Variants in U2SURP observed in about 807,000 individuals in gnomAD.
The protein encoded by U2SURP is U2 snRNP-associated SURP motif-containing protein.
U2SURP carries 9 observed loss-of-function variants against 144.9 expected under a neutral mutation model. The ratio of observed to expected loss-of-function variants is 0.06; its 90% CI spans 0.04 to 0.11. U2SURP has a LOEUF of 0.11. U2SURP is among the 10% of genes least tolerant of loss of function. The probability of loss-of-function intolerance (pLI) is 1.00; values close to 1 mark genes in which losing one functional copy is unlikely to be tolerated. For synonymous variants in U2SURP, 408 were observed against 396.8 expected, an observed-to-expected ratio of 1.03 and a Z score of -0.33; for missense variants, 724 against 1,226.7, an observed-to-expected ratio of 0.59 and a Z score of 6.12.
chr3:143,028,684 G>C (rs779624889), intron 16 of U2SURP, 38 bp downstream of exon 16: 1 of 1,534,728 alleles, frequency 6.5e-7, no homozygotes, highest in Admixed American at 2.2e-5. Context: ...ATTCAGAAAA[G>C]TAACTGTAAT....
intron 26 of U2SURP, among the ~76,000 whole-genome samples, chr3:143,054,457 T>C (rs1935046362): frequency 6.6e-6 from 1 of 152,260 alleles, no homozygotes; most frequent in Non-Finnish European, 1.5e-5. Context: ...CTTTTATTAC[T>C]ATTTTGACAT....
chr3:143,034,009 A>G (rs1334229928), intron 18 of U2SURP, among the ~76,000 whole-genome samples: 1 of 152,180 alleles, frequency 6.6e-6, no homozygotes. Flanking sequence ...CATACTATTA[A>G]CTATAGAATC....
chr3:143,012,527 A>G (rs1936172344), intron 3 of U2SURP, among the ~76,000 whole-genome samples, 174 bp downstream of exon 3: 1 of 152,176 alleles, frequency 6.6e-6, no homozygotes, highest in Admixed American at 6.5e-5. Context: ...ATGTAGGGAC[A>G]TCTTTTTAGC....
At chr3:143,020,733 T>A in intron 8 of U2SURP, 40 bp downstream of exon 8, 1 of 1,470,592 alleles carries the variant, frequency 6.8e-7, no homozygotes, top group Non-Finnish European at 9.5e-7. Flanking sequence ...TTGTGATTAA[T>A]TACAGTAGTT....
intron 24 of U2SURP, among the ~76,000 whole-genome samples, chr3:143,046,767 C>T (rs1427024428): frequency 7.8e-6 from 1 of 127,416 alleles, no homozygotes; most frequent in Non-Finnish European, 1.6e-5. Flanking sequence ...TTTTCCCCAC[C>T]TTTCCCCCCC....
At position 143,020,677 on chromosome 3, in the gene U2SURP, T is replaced by C. The variant is rs1936585059; in HGVS notation, c.717T>C (p.Asp239=). 1 of 1,612,822 alleles carries C rather than the reference T, an allele frequency of 6.2e-7. No homozygotes were observed. Among genetic ancestry groups the C allele is most frequent in the Non-Finnish European group, 8.5e-7 (1 of 1,179,388 alleles). The part of the protein sequence containing the change: ...SRFEPPQSDS[D]GQRRSMDAPS... ...TTGAACCTCCTCAGTCAGATTCTGATGGTCAGCGTCGTTCTAGTAAGTGGC... is the reference window on the plus strand; with the variant it reads ...TTGAACCTCCTCAGTCAGATTCTGACGGTCAGCGTCGTTCTAGTAAGTGGC... Residue 239 remains aspartate (D), a synonymous_variant, in exon 8 of 28, where the codon GAT becomes GAC. Coordinates refer to ENST00000473835, the MANE Select transcript of U2SURP (RefSeq NM_001080415.2).
In U2SURP at chr3:143,043,172, C is replaced by T; in HGVS notation, c.2440C>T (p.His814Tyr). The T allele has an allele frequency of 6.2e-7, 1 of 1,604,108 alleles. No homozygotes were observed. The change falls in exon 24 of 28, where the codon CAT (histidine) becomes TAT (tyrosine). Residue 814 changes from histidine to tyrosine, a missense_variant. By Grantham distance (83) the His-to-Tyr change is moderately conservative. Coordinates refer to ENST00000473835, the MANE Select transcript of U2SURP (RefSeq NM_001080415.2). ...TACTCAAAGTTCCAAATCTGAAGAA[C>T]ATCATTTGTACTCTAATCCAATCAA... is the stretch of plus-strand genomic sequence containing the variant. ...EDTQSSKSEE[H>Y]HLYSNPIKEE...
intron 13 of U2SURP, chr3:143,026,381 G>C (rs1302300215): frequency 1.6e-4 from 25 of 152,156 alleles, no homozygotes; most frequent in Admixed American, 1.6e-3. Flanking sequence ...TTTGGAAAGA[G>C]TAGTACTCCA....
chr3:143,030,832 G>A (rs1933439182), intron 16 of U2SURP, among the ~76,000 whole-genome samples: 1 of 152,004 alleles, frequency 6.6e-6, no homozygotes, highest in Non-Finnish European at 1.5e-5. Flanking sequence ...GATAGCATGA[G>A]GCCAAGAGTT....
chr3:143,035,019 G>T, intron 19 of U2SURP, 44 bp downstream of exon 19: 2 of 328,344 alleles, frequency 6.1e-6, no homozygotes, highest in Non-Finnish European at 6.0e-6. Flanking sequence ...GTTTTAAATG[G>T]GTGGGGGGAG....
At chr3:143,010,778 A>T (rs1411739279) in intron 1 of U2SURP, 37 bp from the exon 2 acceptor site, 1 of 1,547,366 alleles carries the variant, frequency 6.5e-7, no homozygotes. Flanking sequence ...AGTATAAGAC[A>T]TTTTAAATTA....
chr3:143,056,153 T>C (rs1935138431), intron 27 of U2SURP, among the ~76,000 whole-genome samples, 159 bp from the exon 28 acceptor site: 1 of 152,178 alleles, frequency 6.6e-6, no homozygotes, highest in Non-Finnish European at 1.5e-5. Flanking sequence ...AATCTGTGTG[T>C]GTGTGTGTAC....
intron 24 of U2SURP, among the ~76,000 whole-genome samples, chr3:143,050,305 T>A (rs1016252364): frequency 1.3e-5 from 2 of 152,220 alleles, no homozygotes; most frequent in Non-Finnish European, 2.9e-5. Context: ...ACTCCTGACC[T>A]CAGGTGATCC....
intron 4 of U2SURP, 104 bp from the exon 5 acceptor site, chr3:143,016,153 T>C: frequency 1.1e-6 from 1 of 900,502 alleles, no homozygotes; most frequent in African/African-American, 1.7e-5. Context: ...CTGCTTAACC[T>C]GGGAAGGGAG....
At chr3:143,051,360 A>G (rs972826051) in intron 25 of U2SURP, among the ~76,000 whole-genome samples, 2 of 152,316 alleles carry the variant, frequency 1.3e-5, no homozygotes, top group Middle Eastern at 3.4e-3. Context: ...GTGAGACGCC[A>G]ACAACCCTGA....
At chr3:143,048,611 A>G (rs953402283) in intron 24 of U2SURP, among the ~76,000 whole-genome samples, 1 of 152,174 alleles carries the variant, frequency 6.6e-6, no homozygotes, top group Non-Finnish European at 1.5e-5. Flanking sequence ...ATTATAAAAG[A>G]CCCTGATTAT....
chr3:143,039,914 A>G (rs915945790), intron 23 of U2SURP, among the ~76,000 whole-genome samples: 7 of 152,040 alleles, frequency 4.6e-5, no homozygotes, highest in African/African-American at 1.7e-4. Context: ...GATGATGACA[A>G]AATATTTACA....
intron 3 of U2SURP, among the ~76,000 whole-genome samples, chr3:143,012,691 T>C (rs1936180479): frequency 2.0e-5 from 3 of 152,174 alleles, no homozygotes. Flanking sequence ...AATGCACAGA[T>C]CATTGAAACA....
At chr3:143,032,749 C>T in intron 16 of U2SURP, 35 bp from the exon 17 acceptor site, 3 of 1,556,786 alleles carry the variant, frequency 1.9e-6, no homozygotes, top group Non-Finnish European at 2.6e-6. Context: ...GAAATTGTAT[C>T]TAAATATTTA....
Sources: allele counts gnomAD v4.1 joint callset (sites outside exome capture counted in the v4.1 genomes callset), GRCh38; gene constraint gnomAD v4.1.1; transcripts MANE v1.5; gene names NCBI Gene and HGNC (gene_info 2026-07-23, HGNC 2026-07-21).